FMN1: variants seen among roughly 807,000 people sequenced by gnomAD.
FMN1 encodes formin 1.
In FMN1, 110 loss-of-function variants were observed where a neutral mutation model predicts 132.4. The observed-to-expected ratio is 0.83, with a 90% CI of 0.71 to 0.97. The LOEUF is 0.97. FMN1 is among the 50% of genes least tolerant of loss of function. The pLI is 0.00. For synonymous variants in FMN1, 722 were observed against 651.7 expected, an observed-to-expected ratio of 1.11 and a Z score of -1.64; for missense variants, 1,792 against 1,705.3, an observed-to-expected ratio of 1.05 and a Z score of -0.90.
intron 4 of FMN1, among the ~76,000 whole-genome samples, chr15:33,123,022 T>C (rs1332613390): frequency 1.3e-5 from 2 of 151,630 alleles, no homozygotes; most frequent in African/African-American, 4.8e-5. Flanking sequence ...TTAAGTAATC[T>C]GACCATGTTC....
chr15:32,916,528 C>T (rs570848037), intron 10 of FMN1, among the ~76,000 whole-genome samples: 5 of 152,238 alleles, frequency 3.3e-5, no homozygotes, highest in Admixed American at 2.0e-4. Context: ...TCTGGTCATC[C>T]GAAGTGTGGG....
At chr15:33,173,642 A>G (rs1965408540) in intron 3 of FMN1, among the ~76,000 whole-genome samples, 1 of 152,232 alleles carries the variant, frequency 6.6e-6, no homozygotes, top group Non-Finnish European at 1.5e-5. Flanking sequence ...AAACTTCAGG[A>G]AATAGGCCGG....
chr15:32,822,511 C>T (rs2058245725), intron 17 of FMN1, among the ~76,000 whole-genome samples: 1 of 151,712 alleles, frequency 6.6e-6, no homozygotes, highest in African/African-American at 2.4e-5. Flanking sequence ...ACACTTATTA[C>T]TCCATTTTTT....
intron 17 of FMN1, among the ~76,000 whole-genome samples, chr15:32,828,986 G>GA (rs1463899147): frequency 2.0e-5 from 3 of 152,216 alleles, no homozygotes; most frequent in Non-Finnish European, 4.4e-5. Context: ...GCTACACATC[G>GA]AATGTTTTGT....
chr15:32,913,746 C>G (rs1044042949), intron 10 of FMN1, among the ~76,000 whole-genome samples: 1 of 152,156 alleles, frequency 6.6e-6, no homozygotes, highest in Non-Finnish European at 1.5e-5. Flanking sequence ...ACTGTGAAAG[C>G]CTTGCAGTCA....
At chr15:32,857,133 C>T (rs371904793) in intron 16 of FMN1, 26 bp from the exon 17 acceptor site, 2 of 1,570,598 alleles carry the variant, frequency 1.3e-6, no homozygotes, top group East Asian at 2.2e-5. Flanking sequence ...TAGAATTAGA[C>T]TTAGGAACAC....
intron 9 of FMN1, among the ~76,000 whole-genome samples, chr15:32,929,261 T>C (rs987296423): frequency 6.6e-6 from 1 of 152,218 alleles, no homozygotes; most frequent in Non-Finnish European, 1.5e-5. Context: ...AAAAAGATCC[T>C]TCTATGTTTC....
intron 6 of FMN1, among the ~76,000 whole-genome samples, chr15:33,044,979 T>G (rs2036610347): frequency 6.6e-6 from 1 of 152,212 alleles, no homozygotes; most frequent in African/African-American, 2.4e-5. Flanking sequence ...TGCCCCTTGC[T>G]TGCCACATTG....
In FMN1 at chr15:33,168,023, G is replaced by A. The variant is rs147667949; in HGVS notation, c.-132+12175C>T. 9.2e-5 allele frequency among the ~76,000 whole-genome samples: 14 copies of A among 152,222 alleles called. No individual in the cohort carries two copies. The East Asian group carries it at 2.7e-3, about 29-fold the overall frequency. On this transcript the variant is annotated intron_variant, in intron 3 of 20. Coordinates refer to ENST00000616417, the MANE Select transcript of FMN1 (RefSeq NM_001277313.2). Reference sequence around the variant, plus strand: ...AAATGGATCCACTAAGATCAAACCCGTGTTATTCATGGGCCAACTGTAATT... The same window carrying A: ...AAATGGATCCACTAAGATCAAACCCATGTTATTCATGGGCCAACTGTAATT...
At chr15:33,067,708 T>C (rs1163355728) in intron 5 of FMN1, 3 of 1,613,936 alleles carry the variant, frequency 1.9e-6, no homozygotes, top group Non-Finnish European at 2.5e-6. Flanking sequence ...AACTATGGAA[T>C]GCTTTCAGCA....
intron 7 of FMN1, among the ~76,000 whole-genome samples, chr15:32,987,545 T>C (rs538807556): frequency 6.6e-6 from 1 of 152,114 alleles, no homozygotes; most frequent in Non-Finnish European, 1.5e-5. Context: ...TGAAACTGAT[T>C]AGGAGGACTG....
At chr15:33,180,588 A>G (rs1965661922) in intron 2 of FMN1, among the ~76,000 whole-genome samples, 1 of 152,172 alleles carries the variant, frequency 6.6e-6, no homozygotes, top group Non-Finnish European at 1.5e-5. Flanking sequence ...CAGGCAAGCC[A>G]GTACCAGTTG....
At chr15:33,104,756 G>A (rs1440187397) in intron 4 of FMN1, among the ~76,000 whole-genome samples, 1 of 151,946 alleles carries the variant, frequency 6.6e-6, no homozygotes, top group African/African-American at 2.4e-5. Context: ...AAAGAGTAAA[G>A]GAAAAATGAG....
chr15:33,136,739 C>T (rs1442121758), intron 4 of FMN1, among the ~76,000 whole-genome samples: 1 of 152,154 alleles, frequency 6.6e-6, no homozygotes, highest in African/African-American at 2.4e-5. Context: ...ATGCAAGTCC[C>T]TTAAATGATT....
intron 12 of FMN1, among the ~76,000 whole-genome samples, chr15:32,905,749 C>A (rs2060409183): frequency 6.6e-6 from 1 of 152,180 alleles, no homozygotes; most frequent in African/African-American, 2.4e-5. Flanking sequence ...TCATATTTTC[C>A]AGTATGTAAA....
intron 19 of FMN1, among the ~76,000 whole-genome samples, chr15:32,780,630 T>C (rs2056633117): frequency 6.6e-6 from 1 of 152,186 alleles, no homozygotes; most frequent in Non-Finnish European, 1.5e-5. Flanking sequence ...TCACCCTGTA[T>C]CCTTTCTTGT....
chr15:33,008,898 G>C (rs1164582131), intron 6 of FMN1, among the ~76,000 whole-genome samples: 1 of 152,196 alleles, frequency 6.6e-6, no homozygotes, highest in East Asian at 1.9e-4. Context: ...TTACAAATGT[G>C]TTTGGGGTCA....
At chr15:32,851,547 G>C (rs561492501) in intron 17 of FMN1, among the ~76,000 whole-genome samples, 2 of 152,258 alleles carry the variant, frequency 1.3e-5, no homozygotes, top group South Asian at 4.1e-4. Flanking sequence ...GCTTCAACAA[G>C]AGCCTAGTGT....
Position 32,901,959 on chromosome 15 carries a change from A to G in FMN1, c.3459T>C (p.Gly1153=). The G allele has an allele frequency of 6.2e-7, 1 of 1,613,420 alleles. No homozygotes were observed. The highest frequency in any genetic ancestry group is 8.5e-7 in the Non-Finnish European group (1 of 1,179,492). ...CIIFRSVFSE[G]ITSLHRKVEI... is the part of the protein sequence containing the mutation. ...CTACCTTTCTGTGCAAGGAGGTGAT[A>G]CCCTCAGAAAAGACAGATCTGAAGA... is the stretch of plus-strand genomic sequence containing the variant. Residue 1153 remains glycine (G), a synonymous_variant, in exon 13 of 21, where the codon GGT becomes GGC. Coordinates refer to ENST00000616417, the MANE Select transcript of FMN1 (RefSeq NM_001277313.2).
Sources: gnomAD v4.1 joint callset for allele counts (sites outside exome capture counted in the v4.1 genomes callset) on GRCh38, gnomAD v4.1.1 for gene constraint, MANE v1.5 for transcripts, NCBI Gene and HGNC (gene_info 2026-07-23, HGNC 2026-07-21) for gene names.